Variants in ABCB6 observed in about 807,000 individuals in gnomAD.
ABCB6 encodes ATP-binding cassette sub-family B member 6.
Under a neutral mutation model 99.4 loss-of-function variants are expected in ABCB6, and 87 were observed. That is an observed-to-expected ratio of 0.88 (90% CI 0.74 to 1.05). The LOEUF (loss-of-function observed/expected upper bound fraction) is 1.05, where lower values mean the gene tolerates loss of function less well. Ranked by LOEUF, ABCB6 falls within the 50% of genes least tolerant of loss-of-function variation. The pLI is 0.00. For missense variants in ABCB6, 1,050 were observed against 1,097.9 expected (o/e 0.96, Z 0.62); for synonymous variants, 482 against 447.5 (o/e 1.08, Z -0.97).
In ABCB6 at chr2:219,211,036, C is replaced by G. The variant is rs142421126; in HGVS notation, c.2041G>C (p.Ala681Pro). 6.2e-7 allele frequency: 1 copy of G among 1,614,094 alleles called. No homozygotes were observed. ...ACACGGCCGTAACGGATATTGTCGGCGATGGTGTCATTAAAGAGGACAGTG... is the reference window on the plus strand; with the variant it reads ...ACACGGCCGTAACGGATATTGTCGGGGATGGTGTCATTAAAGAGGACAGTG... ...QDTVLFNDTI[A>P]DNIRYGRVTA... Residue 681 changes from alanine (A) to proline (P), a missense_variant, in exon 15 of 19, where the codon GCC (alanine) becomes CCC (proline). By Grantham distance (27) the Ala-to-Pro change is conservative. Coordinates refer to ENST00000265316, the MANE Select transcript of ABCB6 (RefSeq NM_005689.4).
At position 219,213,889 on chromosome 2, in the gene ABCB6, A is replaced by C; in HGVS notation, c.1515T>G (p.Ile505Met). 1.2e-6 allele frequency: 2 copies of C among 1,614,174 alleles called. No individual in the cohort carries two copies. Among genetic ancestry groups the C allele is most frequent in the South Asian group, 2.2e-5 (2 of 91,090 alleles). Reference protein sequence around the residue: ...VLLNQTQNLVIGLGLLAGSLL... With the variant: ...VLLNQTQNLVMGLGLLAGSLL... ...GGGAGCCGGCGAGGAGCCCGAGCCC[A>C]ATCACCAGGTTCTGGGTCTGATTTA... is the stretch of plus-strand genomic sequence containing the variant. The change falls in exon 9 of 19, where the codon ATT becomes ATG. Residue 505 changes from isoleucine to methionine, a missense_variant. Ile to Met is a conservative substitution (Grantham distance 10). Transcript: ENST00000265316.
Position 219,210,911 on chromosome 2 carries a change from C to G in ABCB6, c.2143+23G>C, listed in dbSNP as rs529255084. The G allele has an allele frequency of 5.0e-6, 8 of 1,613,910 alleles. No homozygotes were observed. In the East Asian group the frequency reaches 1.8e-4, roughly 36 times the overall value. ...AGGACAACACCAGGAGGGGAGGGGACTCTCTGCAAAGGAATCTCTCACCTT... is the reference window on the plus strand; with the variant it reads ...AGGACAACACCAGGAGGGGAGGGGAGTCTCTGCAAAGGAATCTCTCACCTT... On this transcript the variant is annotated intron_variant, in intron 15 of 18. Transcript: ENST00000265316.
In ABCB6 at chr2:219,211,043, G is replaced by A. The variant is rs754249073; in HGVS notation, c.2034C>T (p.Asp678=). Residue 678 remains aspartate (D), a synonymous_variant, in exon 15 of 19, where the codon GAC becomes GAT. Transcript: ENST00000265316. ...VVPQDTVLFN[D]TIADNIRYGR... ...CGTAACGGATATTGTCGGCGATGGT[G>A]TCATTAAAGAGGACAGTGTCTTGGG... 71 of 1,614,038 alleles carry A rather than the reference G, an allele frequency of 4.4e-5. No individual in the cohort carries two copies. Among genetic ancestry groups the A allele is most frequent in the Non-Finnish European group, 5.8e-5 (69 of 1,180,044 alleles).
Position 219,218,778 on chromosome 2 carries a change from G to A in ABCB6, c.-105C>T. 1 of 1,264,246 alleles carries A rather than the reference G, an allele frequency of 7.9e-7. No individual in the cohort carries two copies. The allele number at this position is 1,264,246 out of a possible 1,614,324, so 78.3% of individuals were successfully genotyped here. A position where few individuals can be genotyped will look rare whatever the true frequency, so the allele number is the denominator to read the frequency against. On this transcript the variant is annotated 5_prime_UTR_variant, in exon 1 of 19. Coordinates refer to ENST00000265316, the MANE Select transcript of ABCB6 (RefSeq NM_005689.4). ...ACATCCGGGTGCCTTGGCTCACGTA[G>A]CCGCTGGGCGCCAAGCTGCGGGGGT... is the stretch of plus-strand genomic sequence containing the variant.
At position 219,210,093 on chromosome 2, in the gene ABCB6, G is replaced by A. The variant is rs202011349; in HGVS notation, c.2421-47C>T. The A allele has an allele frequency of 1.9e-5, 30 of 1,603,276 alleles. No homozygotes were observed. In the African/African-American group the frequency reaches 2.7e-4, roughly 14 times the overall value. On this transcript the variant is annotated intron_variant, in intron 18 of 18. Coordinates refer to ENST00000265316, the MANE Select transcript of ABCB6 (RefSeq NM_005689.4). ...GAGTCCTAACCATTAGTTTTACCCC[G>A]AGGGTCCTTGCCACCAGCCCACAGA...
In ABCB6 at chr2:219,209,861, T is replaced by G; in HGVS notation, c.*77A>C. On this transcript the variant is annotated 3_prime_UTR_variant, in exon 19 of 19. Coordinates refer to ENST00000265316, the MANE Select transcript of ABCB6 (RefSeq NM_005689.4). Reference sequence around the variant, plus strand: ...CTAGCACCATACCCCAAGACCAGGATGAAATAAGCCAGGGAAAGGAGACAC... The same window carrying G: ...CTAGCACCATACCCCAAGACCAGGAGGAAATAAGCCAGGGAAAGGAGACAC... 3.2e-5 allele frequency: 37 copies of G among 1,139,982 alleles called. No individual in the cohort carries two copies. Among genetic ancestry groups the G allele is most frequent in the Non-Finnish European group, 4.3e-5 (32 of 750,362 alleles). 70.6% of individuals were successfully genotyped at this position (1,139,982 alleles called of 1,614,324 possible).
intron 16 of ABCB6, 74 bp downstream of exon 16, chr2:219,210,637 G>A: frequency 6.2e-7 from 1 of 1,608,156 alleles, no homozygotes; most frequent in Non-Finnish European, 8.5e-7. Flanking sequence ...TCTGTTCTAG[G>A]TGGGGACAGT....
chr2:219,210,558 G>A (rs1481364958), intron 16 of ABCB6, 83 bp from the exon 17 acceptor site: 2 of 1,588,834 alleles, frequency 1.3e-6, no homozygotes, highest in Non-Finnish European at 1.7e-6. Context: ...GAGGCCTCAA[G>A]AATACACAAG....
At chr2:219,212,904 C>G (rs1030539749) in intron 13 of ABCB6, 104 bp downstream of exon 13, 1 of 1,301,576 alleles carries the variant, frequency 7.7e-7, no homozygotes, top group Non-Finnish European at 1.1e-6. Context: ...GGTTGCCTAT[C>G]GTGACTGGGC....
Position 219,212,421 on chromosome 2 carries a change from C to T in ABCB6, c.1934G>A (p.Gly645Asp), listed in dbSNP as rs1950589895. The T allele has an allele frequency of 1.2e-6, 2 of 1,614,062 alleles. No individual in the cohort carries two copies. Among genetic ancestry groups the T allele is most frequent in the African/African-American group, 2.7e-5 (2 of 74,924 alleles). Reference protein sequence around the residue: ...LLFRFYDISSGCIRIDGQDIS... With the variant: ...LLFRFYDISSDCIRIDGQDIS... Reference sequence around the variant, plus strand: ...GTCCTGCCCATCTATTCGGATGCAGCCAGAGCTGATGTCGTAGAAGCGAAA... The same window carrying T: ...GTCCTGCCCATCTATTCGGATGCAGTCAGAGCTGATGTCGTAGAAGCGAAA... Residue 645 changes from glycine to aspartate, a missense_variant, in exon 14 of 19, where the codon GGC becomes GAC. By Grantham distance (94) the Gly-to-Asp change is moderately conservative. Transcript: ENST00000265316.
At chr2:219,217,021 A>T (rs1950649947) in intron 2 of ABCB6, among the ~76,000 whole-genome samples, 189 bp from the exon 3 acceptor site, 1 of 152,238 alleles carries the variant, frequency 6.6e-6, no homozygotes, top group South Asian at 2.1e-4. Context: ...TTTTGGGGGA[A>T]GGAATGATGA....
chr2:219,215,301 A>G, intron 5 of ABCB6: 1 of 542,678 alleles, frequency 1.8e-6, no homozygotes, highest in East Asian at 3.2e-5. Flanking sequence ...CAGGCATGGA[A>G]GAAAAATATA....
At position 219,210,557 on chromosome 2, in the gene ABCB6, A is replaced by G. The variant is rs965681597; in HGVS notation, c.2257-82T>C. ...AGGCAGGCTGCTGGCTGAGGCCTCA[A>G]GAATACACAAGAGCCTTGTTTGGGC... On this transcript the variant is annotated intron_variant, in intron 16 of 18. Coordinates refer to ENST00000265316, the MANE Select transcript of ABCB6 (RefSeq NM_005689.4). 6.3e-6 allele frequency: 10 copies of G among 1,588,668 alleles called. No individual in the cohort carries two copies. In the East Asian group the frequency reaches 1.8e-4, roughly 29 times the overall value.
Position 219,209,992 on chromosome 2 carries a change from C to A in ABCB6, c.2475G>T (p.Gln825His). ...CTTCAGAGGTTTCTTCCTGTCCCTG[C>A]TGCAGCTGCCACATGTCAGCATACA... is the stretch of plus-strand genomic sequence containing the variant. The part of the protein sequence containing the change: ...GGVYADMWQL[Q>H]QGQEETSEDT... The change falls in exon 19 of 19, where the codon CAG (glutamine) becomes CAT (histidine). Residue 825 changes from glutamine (Q) to histidine (H), a missense_variant. Coordinates refer to ENST00000265316, the MANE Select transcript of ABCB6 (RefSeq NM_005689.4). The A allele has an allele frequency of 6.2e-7, 1 of 1,614,188 alleles. No homozygotes were observed.
At chr2:219,211,932 T>G (rs1950584535) in intron 14 of ABCB6, among the ~76,000 whole-genome samples, 1 of 151,862 alleles carries the variant, frequency 6.6e-6, no homozygotes, top group Non-Finnish European at 1.5e-5. Flanking sequence ...CCCAGCAAAT[T>G]TTTTGTATTT....
In ABCB6 at chr2:219,216,602, A is replaced by G. The variant is rs1283780930; in HGVS notation, c.868+50T>C. 7 of 1,539,284 alleles carry G rather than the reference A, an allele frequency of 4.5e-6. No individual in the cohort carries two copies. The highest frequency in any genetic ancestry group is 6.2e-6 in the Non-Finnish European group (7 of 1,137,386). On this transcript the variant is annotated intron_variant, in intron 3 of 18. Transcript: ENST00000265316. The surrounding 1 kb of genome is among the most constrained non-coding windows in gnomAD (Gnocchi z 4.2). ...TCCCTAGGTAAGGACCATCCCAGCCACCAGGCTGATGAAGGACCAGCACAC... is the reference window on the plus strand; with the variant it reads ...TCCCTAGGTAAGGACCATCCCAGCCGCCAGGCTGATGAAGGACCAGCACAC...
intron 6 of ABCB6, 148 bp from the exon 7 acceptor site, chr2:219,214,646 G>T: frequency 3.0e-6 from 2 of 663,026 alleles, no homozygotes; most frequent in Non-Finnish European, 5.2e-6. Flanking sequence ...TCTGCAGCCT[G>T]CACAAAGTCT....
intron 13 of ABCB6, 40 bp downstream of exon 13, chr2:219,212,968 G>C (rs763984294): frequency 6.2e-7 from 1 of 1,607,760 alleles, no homozygotes; most frequent in African/African-American, 1.3e-5. Flanking sequence ...AATGAGGGAA[G>C]CTTGAGGCAT....
chr2:219,216,709 G>A lies in ABCB6; in HGVS notation c.811C>T (p.Leu271Phe), dbSNP rs1485818631. 1 of 1,598,272 alleles carries A rather than the reference G, an allele frequency of 6.3e-7. No individual in the cohort carries two copies. Among genetic ancestry groups the A allele is most frequent in the South Asian group, 1.1e-5 (1 of 88,848 alleles). ...LQLVVLICLG[L>F]MGLERALNVL... ...TTGAGTGCCCGTTCCAAACCCATGA[G>A]CCCCAGGCAGATGAGCACCACCAGC... Residue 271 changes from leucine to phenylalanine, a missense_variant, in exon 3 of 19, where the codon CTC becomes TTC. Physicochemically the swap from Leu to Phe is conservative, Grantham distance 22 (BLOSUM62 0). Transcript: ENST00000265316. The surrounding 1 kb of genome is among the most constrained non-coding windows in gnomAD (Gnocchi z 4.2).
Sources: allele counts gnomAD v4.1 joint callset (sites outside exome capture counted in the v4.1 genomes callset), GRCh38; gene constraint gnomAD v4.1.1; non-coding constraint Gnocchi (gnomAD v3.1); transcripts MANE v1.5; gene names NCBI Gene and HGNC (gene_info 2026-07-23, HGNC 2026-07-21).